Variants in NUP155 observed in about 807,000 individuals in gnomAD.
NUP155 encodes nuclear pore complex protein Nup155.
A neutral mutation model predicts 180.4 loss-of-function variants in NUP155; 71 were observed. The ratio of observed to expected loss-of-function variants is 0.39; its 90% CI spans 0.33 to 0.48. The LOEUF (loss-of-function observed/expected upper bound fraction) is 0.48. Ranked by LOEUF, NUP155 falls within the 20% of genes least tolerant of loss-of-function variation. The probability of loss-of-function intolerance (pLI) is 0.91; values close to 1 mark genes in which losing one functional copy is unlikely to be tolerated. For synonymous variants in NUP155, 582 were observed against 559.5 expected, an observed-to-expected ratio of 1.04 and a Z score of -0.57; for missense variants, 1,553 against 1,648.9, an observed-to-expected ratio of 0.94 and a Z score of 1.01.
chr5:37,315,218 C>T (rs1052059020), intron 21 of NUP155, among the ~76,000 whole-genome samples: 5 of 152,130 alleles, frequency 3.3e-5, no homozygotes, highest in Non-Finnish European at 5.9e-5. Context: ...GGCGAAAAAG[C>T]GAGACTCCAT....
In NUP155 at chr5:37,333,534, T is replaced by C. The variant is rs1335161992; in HGVS notation, c.1447A>G (p.Ile483Val). ...ITPLNKDHIP[I>V]TDSPVVVQQH... ...TGTACAACAACTGGTGAATCAGTTA[T>C]TGGAATATGATCCTTGTTTAAAGGT... The change falls in exon 13 of 35, where the codon ATA (isoleucine) becomes GTA (valine). Residue 483 changes from isoleucine (I) to valine (V), a missense_variant. Ile to Val is a conservative substitution (Grantham distance 29). Transcript: ENST00000231498. 5 of 1,614,028 alleles carry C rather than the reference T, an allele frequency of 3.1e-6. No homozygotes were observed. Among genetic ancestry groups the C allele is most frequent in the Non-Finnish European group, 3.4e-6 (4 of 1,179,902 alleles).
In NUP155 at chr5:37,314,279, A is replaced by T; in HGVS notation, c.2355T>A (p.Val785=). 1 of 1,610,448 alleles carries T rather than the reference A, an allele frequency of 6.2e-7. No individual in the cohort carries two copies. The highest frequency in any genetic ancestry group is 1.1e-5 in the South Asian group (1 of 90,778). ...KISLQAIQQL[V]RKSYQALALW... is the part of the protein sequence containing the mutation. ...AAGCCAGAGCCTGATATGATTTTCG[A>T]ACCAACTGCTGAATTGCCTGAAGTG... is the stretch of plus-strand genomic sequence containing the variant. Residue 785 remains valine, a synonymous_variant, in exon 22 of 35, where the codon GTT becomes GTA. Transcript: ENST00000231498.
intron 33 of NUP155, 34 bp downstream of exon 33, chr5:37,294,290 TAAAGA>T: frequency 7.3e-7 from 1 of 1,378,262 alleles, no homozygotes; most frequent in Non-Finnish European, 1.0e-6. Context: ...TTACTTTAAT[TAAAGA>T]AAATAATTTT....
chr5:37,317,927 T>C (rs564211762), intron 21 of NUP155, 61 bp downstream of exon 21: 26 of 879,140 alleles, frequency 3.0e-5, no homozygotes, highest in Non-Finnish European at 4.3e-5. Context: ...TTGTTTTCTA[T>C]TCAAGTAATA....
Position 37,303,999 on chromosome 5 carries a change from G to A in NUP155, c.3163-585C>T, listed in dbSNP as rs569267969. ...ACAGTGGTTCATGCCTGTAATCCCA[G>A]CACTTCGGGAAGCTGAGGTGGGCAG... is the stretch of plus-strand genomic sequence containing the variant. On this transcript the variant is annotated intron_variant, in intron 27 of 34. Coordinates refer to ENST00000231498, the MANE Select transcript of NUP155 (RefSeq NM_153485.3). Among the ~76,000 whole-genome samples, 50 of 151,868 alleles carry A rather than the reference G, an allele frequency of 3.3e-4. 1 individual carries two copies. In the South Asian group the frequency reaches 0.01, roughly 32 times the overall value.
intron 30 of NUP155, 28 bp from the exon 31 acceptor site, chr5:37,299,596 T>A (rs1239776068): frequency 6.2e-7 from 1 of 1,611,244 alleles, no homozygotes; most frequent in African/African-American, 1.3e-5. Flanking sequence ...AAAATTAACA[T>A]CCAACTAGAG....
chr5:37,339,974 C>T (rs919679752), intron 11 of NUP155, among the ~76,000 whole-genome samples: 1 of 152,128 alleles, frequency 6.6e-6, no homozygotes, highest in Non-Finnish European at 1.5e-5. Flanking sequence ...GTTGGCCAGG[C>T]TGGTCTTGAA....
chr5:37,370,740 A>G (rs1747907357), intron 1 of NUP155, 81 bp downstream of exon 1: 2 of 1,612,656 alleles, frequency 1.2e-6, no homozygotes, highest in Admixed American at 1.7e-5. Context: ...CCTCGCCGGG[A>G]CCAACGCTGG....
rs1742150925 is a variant in NUP155, at chr5:37,289,633, A to G, written c.*2267T>C. ...AAGCATGCTGTGTGAATAAAAGGAC[A>G]GTGTTCAGATTTCTGACTCTAACAG... On this transcript the variant is annotated 3_prime_UTR_variant, in exon 35 of 35. Transcript: ENST00000231498. 6.6e-6 allele frequency: 1 copy of G among 152,254 alleles called. No individual in the cohort carries two copies. The highest frequency in any genetic ancestry group is 1.5e-5 in the Non-Finnish European group (1 of 68,046). 9.4% of individuals were successfully genotyped at this position (152,254 alleles called of 1,614,324 possible). A position where few individuals can be genotyped will look rare whatever the true frequency, so the allele number is the denominator to read the frequency against.
chr5:37,343,906 G>A (rs1745907743), intron 9 of NUP155, among the ~76,000 whole-genome samples: 1 of 152,042 alleles, frequency 6.6e-6, no homozygotes, highest in Non-Finnish European at 1.5e-5. Context: ...GGAAAAAAAA[G>A]GGAGAAAATG....
chr5:37,342,643 G>A lies in NUP155; in HGVS notation c.999C>T (p.Thr333=). The change falls in exon 10 of 35, where the codon ACC becomes ACT. Residue 333 remains threonine, a synonymous_variant. Coordinates refer to ENST00000231498, the MANE Select transcript of NUP155 (RefSeq NM_153485.3). The part of the protein sequence containing the change: ...IVSAAGNIAR[T]IDRSVFKPIV... ...TTGGTTTAAAAACAGAACGATCGAT[G>A]GTCCTAAAAGAAAGGAGAAAATAAA... 3.1e-6 allele frequency: 5 copies of A among 1,593,168 alleles called. No individual in the cohort carries two copies. Among genetic ancestry groups the A allele is most frequent in the Non-Finnish European group, 3.4e-6 (4 of 1,161,286 alleles).
intron 5 of NUP155, among the ~76,000 whole-genome samples, chr5:37,351,558 T>C (rs1216099132): frequency 1.3e-5 from 2 of 151,924 alleles, no homozygotes; most frequent in Admixed American, 6.6e-5. Context: ...GCCATTCTCC[T>C]GCCTCAGCCT....
At position 37,291,954 on chromosome 5, in the gene NUP155, T is replaced by C; in HGVS notation, c.4122A>G (p.Gln1374=). ...LQSMSSSVAV[Q]AITGNFKSLQ... ...GAGATTTAAAATTCCCAGTGATGGCTTGTACTGCTACTGACGAGCTCATAG... is the reference window on the plus strand; with the variant it reads ...GAGATTTAAAATTCCCAGTGATGGCCTGTACTGCTACTGACGAGCTCATAG... The change falls in exon 35 of 35, where the codon CAA becomes CAG. Residue 1374 remains glutamine (Q), a synonymous_variant. Coordinates refer to ENST00000231498, the MANE Select transcript of NUP155 (RefSeq NM_153485.3). 2 of 1,614,084 alleles carry C rather than the reference T, an allele frequency of 1.2e-6. No individual in the cohort carries two copies. The highest frequency in any genetic ancestry group is 1.7e-6 in the Non-Finnish European group (2 of 1,179,952).
At chr5:37,348,370 GA>G in intron 9 of NUP155, 134 bp downstream of exon 9, 2 of 690,070 alleles carry the variant, frequency 2.9e-6, no homozygotes, top group African/African-American at 3.6e-5. Context: ...ACATAATGTA[GA>G]GTGTCATCTC....
chr5:37,349,817 T>A (rs1194214371), intron 7 of NUP155, among the ~76,000 whole-genome samples: 2 of 152,212 alleles, frequency 1.3e-5, no homozygotes, highest in East Asian at 1.9e-4. Flanking sequence ...ATATTCTTTT[T>A]ATACTGGAAA....
chr5:37,332,400 C>G (rs1429103793), intron 13 of NUP155, among the ~76,000 whole-genome samples: 1 of 143,752 alleles, frequency 7.0e-6, no homozygotes, highest in African/African-American at 2.6e-5. Context: ...CGGCTCACTG[C>G]AAGCTCCGCC....
intron 20 of NUP155, among the ~76,000 whole-genome samples, chr5:37,319,523 G>A (rs1006755044): frequency 7.2e-5 from 11 of 152,114 alleles, no homozygotes; most frequent in Non-Finnish European, 1.6e-4. Flanking sequence ...CTCACTTATT[G>A]AATATGGTAA....
At chr5:37,339,404 G>A (rs1745566276) in intron 11 of NUP155, among the ~76,000 whole-genome samples, 1 of 152,020 alleles carries the variant, frequency 6.6e-6, no homozygotes. Context: ...GAGGTGGTAG[G>A]ACTGCTTGAG....
At position 37,328,372 on chromosome 5, in the gene NUP155, C is replaced by T; in HGVS notation, c.1862G>A (p.Gly621Glu). ...AAAAGAGGTACCATGAGACGGTGTTCCCAAAAAGGATGGATTTGGATAGGG... is the reference window on the plus strand; with the variant it reads ...AAAAGAGGTACCATGAGACGGTGTTTCCAAAAAGGATGGATTTGGATAGGG... ...GSPYPNPSFLGTPSHGIQPPA... is the reference protein window; with the variant it reads ...GSPYPNPSFLETPSHGIQPPA... Residue 621 changes from glycine (G) to glutamate (E), a missense_variant, in exon 17 of 35, where the codon GGA becomes GAA. Coordinates refer to ENST00000231498, the MANE Select transcript of NUP155 (RefSeq NM_153485.3). The T allele has an allele frequency of 6.2e-7, 1 of 1,609,138 alleles. No individual in the cohort carries two copies. Among genetic ancestry groups the T allele is most frequent in the Non-Finnish European group, 8.5e-7 (1 of 1,175,660 alleles).
Sources: allele counts gnomAD v4.1 joint callset (sites outside exome capture counted in the v4.1 genomes callset), GRCh38; gene constraint gnomAD v4.1.1; transcripts MANE v1.5; gene names NCBI Gene and HGNC (gene_info 2026-07-23, HGNC 2026-07-21).